PDE8A: variants seen among roughly 807,000 people sequenced by gnomAD.
PDE8A encodes the protein high affinity cAMP-specific and IBMX-insensitive 3',5'-cyclic phosphodiesterase 8A.
A neutral mutation model predicts 105.0 loss-of-function variants in PDE8A; 59 were observed. That is an observed-to-expected ratio of 0.56 (90% CI 0.46 to 0.70). PDE8A has a LOEUF of 0.70. Among genes scored for constraint, PDE8A ranks in the 30% least tolerant of loss-of-function variants. The pLI is 0.00. For missense variants in PDE8A, 1,014 were observed against 1,045.9 expected (o/e 0.97, Z 0.42); for synonymous variants, 355 against 371.9 (o/e 0.95, Z 0.52).
chr15:85,026,336 C>T (rs1478580150), intron 1 of PDE8A, among the ~76,000 whole-genome samples: 1 of 152,042 alleles, frequency 6.6e-6, no homozygotes, highest in African/African-American at 2.4e-5. Flanking sequence ...GCTGGGGTGC[C>T]TTGAAGGCTA....
intron 1 of PDE8A, among the ~76,000 whole-genome samples, chr15:85,026,538 C>T (rs552946142): frequency 6.6e-6 from 1 of 152,116 alleles, no homozygotes; most frequent in African/African-American, 2.4e-5. Context: ...CACTTCTGTT[C>T]CGGATTTGTG....
chr15:85,110,792 G>A (rs892896779), intron 12 of PDE8A, among the ~76,000 whole-genome samples: 5 of 152,134 alleles, frequency 3.3e-5, no homozygotes, highest in African/African-American at 1.2e-4. Flanking sequence ...CTAGAAGTGG[G>A]ATTGCTAGGC....
chr15:85,036,999 G>GTCC (rs1157777013), intron 1 of PDE8A, among the ~76,000 whole-genome samples: 1 of 151,942 alleles, frequency 6.6e-6, no homozygotes, highest in African/African-American at 2.4e-5. Context: ...CCTGCAACTG[G>GTCC]TCCTGCTATT....
At chr15:85,114,094 C>T in intron 14 of PDE8A, 57 bp downstream of exon 14, 1 of 1,471,958 alleles carries the variant, frequency 6.8e-7, no homozygotes, top group African/African-American at 1.4e-5. Flanking sequence ...GTTGTTTTCT[C>T]AGAGGTTATT....
In PDE8A at chr15:85,023,507, T is replaced by G. The variant is rs533830574; in HGVS notation, c.187-40863T>G. 2.6e-5 allele frequency among the ~76,000 whole-genome samples: 4 copies of G among 152,256 alleles called. No individual in the cohort carries two copies. In the East Asian group the frequency reaches 7.7e-4, roughly 29 times the overall value. On this transcript the variant is annotated intron_variant, in intron 1 of 21. Coordinates refer to ENST00000394553, the MANE Select transcript of PDE8A (RefSeq NM_002605.3). ...GGAGACGTGGTTTATGACTCCATGG[T>G]GGTCTATACAGAACTGGGGAGGTGG...
intron 1 of PDE8A, among the ~76,000 whole-genome samples, chr15:84,987,912 A>T (rs557074077): frequency 2.6e-5 from 4 of 152,364 alleles, no homozygotes; most frequent in Non-Finnish European, 2.9e-5. Context: ...TACTTAGGAC[A>T]TGAGTAAGCC....
At chr15:85,074,976 G>A (rs962752110) in intron 3 of PDE8A, among the ~76,000 whole-genome samples, 7 of 152,136 alleles carry the variant, frequency 4.6e-5, no homozygotes, top group East Asian at 3.9e-4. Context: ...AACATAAGTC[G>A]TCTTCCTCTG....
chr15:85,112,907 C>T (rs1200426453), intron 12 of PDE8A, among the ~76,000 whole-genome samples: 1 of 152,106 alleles, frequency 6.6e-6, no homozygotes, highest in Non-Finnish European at 1.5e-5. Context: ...GTGGGAAGCA[C>T]CAGAGGGTAC....
chr15:85,118,356 A>T (rs1363363509), intron 17 of PDE8A, among the ~76,000 whole-genome samples: 1 of 152,094 alleles, frequency 6.6e-6, no homozygotes, highest in South Asian at 2.1e-4. Flanking sequence ...AACCCCCCAC[A>T]TCTGGTTGAT....
intron 1 of PDE8A, among the ~76,000 whole-genome samples, chr15:85,046,508 C>A (rs955731869): frequency 9.2e-5 from 14 of 152,090 alleles, no homozygotes; most frequent in African/African-American, 3.4e-4. Flanking sequence ...CACATTAATT[C>A]CAAAATATTT....
At chr15:85,051,618 C>G (rs1424508454) in intron 1 of PDE8A, among the ~76,000 whole-genome samples, 1 of 152,112 alleles carries the variant, frequency 6.6e-6, no homozygotes, top group African/African-American at 2.4e-5. Flanking sequence ...CTGATGCTGT[C>G]CCTCCCTCCG....
chr15:85,015,673 A>T (rs1332072190), intron 1 of PDE8A, among the ~76,000 whole-genome samples: 2 of 152,134 alleles, frequency 1.3e-5, no homozygotes, highest in African/African-American at 4.8e-5. Flanking sequence ...CGTGATTGAG[A>T]TTGAGCATCT....
chr15:85,022,855 A>G (rs1445158300), intron 1 of PDE8A, among the ~76,000 whole-genome samples: 1 of 152,112 alleles, frequency 6.6e-6, no homozygotes, highest in Non-Finnish European at 1.5e-5. Context: ...ACCTAGCCAG[A>G]TTTATATCTA....
chr15:85,020,512 G>A (rs1442325218), intron 1 of PDE8A, among the ~76,000 whole-genome samples: 2 of 152,212 alleles, frequency 1.3e-5, no homozygotes, highest in African/African-American at 4.8e-5. Flanking sequence ...GCTGAGGCAC[G>A]GGAAGTGCTT....
intron 21 of PDE8A, among the ~76,000 whole-genome samples, chr15:85,137,523 G>T (rs2082431264): frequency 6.6e-6 from 1 of 152,202 alleles, no homozygotes; most frequent in South Asian, 2.1e-4. Context: ...GGTGCTGCTG[G>T]TTTAATGGTA....
At chr15:85,079,517 CA>C (rs2081431785) in intron 5 of PDE8A, among the ~76,000 whole-genome samples, 1 of 152,138 alleles carries the variant, frequency 6.6e-6, no homozygotes, top group Non-Finnish European at 1.5e-5. Flanking sequence ...TCCAAAATAA[CA>C]AGAGGAAATA....
At chr15:85,134,051 T>G (rs2082366608) in intron 20 of PDE8A, among the ~76,000 whole-genome samples, 2 of 152,292 alleles carry the variant, frequency 1.3e-5, no homozygotes, top group South Asian at 4.1e-4. Flanking sequence ...CACTGGTGAC[T>G]TAGATGAGGG....
Position 85,082,371 on chromosome 15 carries a change from C to T in PDE8A, c.547-1185C>T, listed in dbSNP as rs149471242. 2.8e-3 allele frequency among the ~76,000 whole-genome samples: 432 copies of T among 152,102 alleles called. 2 individuals are homozygous for T. The highest frequency in any genetic ancestry group is 0.01 in the African/African-American group (418 of 41,484). ...TATGCAGCAGTTTGTACTTAAAATG[C>T]TTTCTCCCATCATGTCTTTTTATTC... is the stretch of plus-strand genomic sequence containing the variant. On this transcript the variant is annotated intron_variant, in intron 5 of 21. Coordinates refer to ENST00000394553, the MANE Select transcript of PDE8A (RefSeq NM_002605.3).
chr15:85,043,699 TG>T (rs2080845660), intron 1 of PDE8A, among the ~76,000 whole-genome samples: 3 of 151,450 alleles, frequency 2.0e-5, no homozygotes, highest in Non-Finnish European at 4.4e-5. Context: ...TTTGTTTGTT[TG>T]TTTGTTTGTT....
Sources: gnomAD v4.1 joint callset for allele counts (sites outside exome capture counted in the v4.1 genomes callset) on GRCh38, gnomAD v4.1.1 for gene constraint, MANE v1.5 for transcripts, NCBI Gene and HGNC (gene_info 2026-07-23, HGNC 2026-07-21) for gene names.